The following ESR1 variants were observed in gnomAD, a reference collection of about 807,000 sequenced individuals.
ESR1 encodes the protein estrogen receptor 1, also known as estrogen receptor.
ESR1 carries 12 observed loss-of-function variants against 52.7 expected under a neutral mutation model. The ratio of observed to expected loss-of-function variants is 0.23; its 90% confidence interval spans 0.15 to 0.37. The LOEUF (loss-of-function observed/expected upper bound fraction) is 0.37. Ranked by LOEUF, ESR1 falls within the 10% of genes least tolerant of loss-of-function variation. The pLI is 1.00. For missense variants in ESR1, 584 were observed against 779.7 expected (o/e 0.75, Z 2.99); for synonymous variants, 305 against 316.8 (o/e 0.96, Z 0.39).
At position 151,842,777 on chromosome 6, in the gene ESR1, A is replaced by G. The variant is rs1307242231; in HGVS notation, c.633A>G (p.Arg211=). 5.0e-6 allele frequency: 8 copies of G among 1,613,786 alleles called. No homozygotes were observed. The highest frequency in any genetic ancestry group is 8.5e-7 in the Non-Finnish European group (1 of 1,179,786). The part of the protein sequence containing the change: ...SCEGCKAFFK[R]SIQGHNDYMC... ...AGGGCTGCAAGGCCTTCTTCAAGAG[A>G]AGTATTCAAGGTAATAGTGTGTTGA... The change falls in exon 2 of 8, where the codon AGA becomes AGG. Residue 211 remains arginine (R), a synonymous_variant. Coordinates refer to ENST00000206249, the MANE Select transcript of ESR1 (RefSeq NM_000125.4).
chr6:152,097,630 C>T (rs1171490596), intron 7 of ESR1, among the ~76,000 whole-genome samples: 1 of 152,160 alleles, frequency 6.6e-6, no homozygotes, highest in Non-Finnish European at 1.5e-5. Context: ...ACCCCCGCCA[C>T]CAGTAGTGTG....
chr6:151,802,036 C>T (rs1314973995), upstream of ESR1, among the ~76,000 whole-genome samples: 1 of 152,158 alleles, frequency 6.6e-6, no homozygotes, highest in Non-Finnish European at 1.5e-5. Context: ...AGGGAAATTT[C>T]TGGGGTGATG....
At chr6:152,089,647 C>T (rs571620862) in intron 6 of ESR1, among the ~76,000 whole-genome samples, 13 of 152,198 alleles carry the variant, frequency 8.5e-5, no homozygotes, top group South Asian at 2.1e-4. Flanking sequence ...GGTGCGATCT[C>T]GGCTCACTGC....
At chr6:151,735,828 A>T (rs926932017) in intron 2 of ESR1, among the ~76,000 whole-genome samples, 4 of 152,050 alleles carry the variant, frequency 2.6e-5, no homozygotes, top group Non-Finnish European at 5.9e-5. Flanking sequence ...CAAGGGAGGT[A>T]CCTGGTGGGA....
At chr6:152,055,596 G>C (rs548452260) in intron 5 of ESR1, among the ~76,000 whole-genome samples, 18 of 152,208 alleles carry the variant, frequency 1.2e-4, no homozygotes, top group African/African-American at 3.9e-4. Flanking sequence ...ATCTTGTAAG[G>C]CCATTTATCT....
rs550697327 is a variant in ESR1, at chr6:152,122,485, C to T, written c.851-2781C>T. 9.9e-6 allele frequency: 16 copies of T among 1,613,988 alleles called. No homozygotes were observed. Among genetic ancestry groups the T allele is most frequent in the African/African-American group, 8.0e-5 (6 of 74,908 alleles). ...GTATCTGAGCATGGGGTGGAATGAC[C>T]GGGCAAAGTTGTTGGAGAGGGCACA... On this transcript the variant is annotated intron_variant, in intron 6 of 6. Coordinates refer to the ESR1 transcript ENST00000427531.
At chr6:151,659,530 A>C (rs73780834) in intron 1 of ESR1, among the ~76,000 whole-genome samples, 1 of 152,200 alleles carries the variant, frequency 6.6e-6, no homozygotes, top group African/African-American at 2.4e-5. Context: ...TGAGTTTCTC[A>C]TGGCTAATGA....
chr6:151,913,984 A>G (rs575628501), intron 3 of ESR1, among the ~76,000 whole-genome samples: 1 of 152,056 alleles, frequency 6.6e-6, no homozygotes, highest in Non-Finnish European at 1.5e-5. Context: ...CCTCTACAGT[A>G]TGTGGTCTTG....
intron 4 of ESR1, among the ~76,000 whole-genome samples, chr6:151,998,855 T>G (rs1483784861): frequency 6.6e-6 from 1 of 152,098 alleles, no homozygotes; most frequent in African/African-American, 2.4e-5. Context: ...TACATGCCAT[T>G]GGAATGATTT....
chr6:151,955,565 G>C (rs894872043), intron 4 of ESR1, among the ~76,000 whole-genome samples: 1 of 151,924 alleles, frequency 6.6e-6, no homozygotes, highest in African/African-American at 2.4e-5. Flanking sequence ...CACATTGCAA[G>C]AAGATAAATC....
At chr6:152,015,435 C>T (rs2043097942) in intron 5 of ESR1, among the ~76,000 whole-genome samples, 1 of 152,178 alleles carries the variant, frequency 6.6e-6, no homozygotes, top group Non-Finnish European at 1.5e-5. Context: ...TTATTATTCT[C>T]ATTCCACCAT....
At chr6:151,803,842 G>A (rs531871541), upstream of ESR1, among the ~76,000 whole-genome samples, 6 of 152,292 alleles carry the variant, frequency 3.9e-5, no homozygotes, top group South Asian at 1.0e-3. Flanking sequence ...AATCTGGGTG[G>A]CTGGAGAGAC....
intron 4 of ESR1, among the ~76,000 whole-genome samples, chr6:151,992,490 T>C (rs1341486324): frequency 6.6e-6 from 1 of 152,228 alleles, no homozygotes; most frequent in Non-Finnish European, 1.5e-5. Flanking sequence ...TTTATATCTC[T>C]CTATCTTTGA....
At chr6:151,865,621 C>A (rs556377471) in intron 2 of ESR1, among the ~76,000 whole-genome samples, 1 of 152,102 alleles carries the variant, frequency 6.6e-6, no homozygotes, top group East Asian at 1.9e-4. Context: ...AGAAGCCAGA[C>A]GACAAGGAGA....
intron 2 of ESR1, among the ~76,000 whole-genome samples, chr6:151,725,945 G>T (rs1414155746): frequency 6.6e-6 from 1 of 152,222 alleles, no homozygotes; most frequent in East Asian, 1.9e-4. Context: ...TGCACAGGAA[G>T]AACTCATAAA....
intron 4 of ESR1, among the ~76,000 whole-genome samples, chr6:151,992,821 G>A (rs2041148706): frequency 1.3e-5 from 2 of 152,026 alleles, no homozygotes; most frequent in African/African-American, 2.4e-5. Context: ...TAAGAGAAGC[G>A]GATTAAAAAG....
intron 2 of ESR1, among the ~76,000 whole-genome samples, chr6:151,715,842 A>C (rs759688734): frequency 2.6e-5 from 4 of 152,092 alleles, no homozygotes; most frequent in Non-Finnish European, 5.9e-5. Context: ...CTGTCAATTC[A>C]TCAAACTCAT....
intron 5 of ESR1, among the ~76,000 whole-genome samples, chr6:152,055,716 A>G (rs1020942094): frequency 1.3e-5 from 2 of 152,086 alleles, no homozygotes; most frequent in Admixed American, 1.3e-4. Context: ...TGTCCACTAC[A>G]CACTATCGGT....
intron 2 of ESR1, among the ~76,000 whole-genome samples, chr6:151,731,923 G>A (rs564762114): frequency 1.2e-4 from 18 of 152,276 alleles, no homozygotes; most frequent in African/African-American, 4.1e-4. Context: ...TAGCCATAAT[G>A]ATATGGGTCC....
Sources: allele counts gnomAD v4.1 joint callset (sites outside exome capture counted in the v4.1 genomes callset), GRCh38; gene constraint gnomAD v4.1.1; transcripts MANE v1.5; gene names NCBI Gene and HGNC (gene_info 2026-07-23, HGNC 2026-07-21).